CHODL: variants seen among roughly 807,000 people sequenced by gnomAD.
CHODL encodes transmembrane protein MT75.
Under a neutral mutation model 34.5 loss-of-function variants are expected in CHODL, and 29 were observed. The ratio of observed to expected loss-of-function variants is 0.84; its 90% confidence interval spans 0.63 to 1.15. CHODL has a LOEUF of 1.15. CHODL is among the 50% of genes most tolerant of loss of function. The pLI is 0.00. For missense variants in CHODL, 332 were observed against 332.5 expected (o/e 1.00, Z 0.01); for synonymous variants, 125 against 116.1 (o/e 1.08, Z -0.49).
At chr21:18,084,423 G>A (rs2064978597) in intron 2 of CHODL, among the ~76,000 whole-genome samples, 1 of 151,988 alleles carries the variant, frequency 6.6e-6, no homozygotes, top group Non-Finnish European at 1.5e-5. Flanking sequence ...GTCCCTTTTA[G>A]CACTGCTTTT....
At chr21:18,260,412 C>T in intron 4 of CHODL, 126 bp downstream of exon 4, 1 of 570,920 alleles carries the variant, frequency 1.8e-6, no homozygotes, top group South Asian at 2.3e-5. Context: ...GTCCTATGGA[C>T]ATTTACTTTT....
At chr21:18,091,918 C>T (rs979503471) in intron 2 of CHODL, among the ~76,000 whole-genome samples, 3 of 152,112 alleles carry the variant, frequency 2.0e-5, no homozygotes, top group African/African-American at 7.2e-5. Context: ...GGTTTGAGTG[C>T]CAGCTTAGCT....
At chr21:17,937,069 G>A (rs2063325023) in intron 1 of CHODL, among the ~76,000 whole-genome samples, 1 of 133,414 alleles carries the variant, frequency 7.5e-6, no homozygotes, top group Non-Finnish European at 1.6e-5. Context: ...GTGACAGGGT[G>A]AGACTCCATC....
chr21:18,247,532 A>G (rs1176860238), intron 1 of CHODL, among the ~76,000 whole-genome samples: 1 of 152,144 alleles, frequency 6.6e-6, no homozygotes, highest in Non-Finnish European at 1.5e-5. Context: ...TTACCTAAAA[A>G]TAAAGTGGAT....
At chr21:18,239,440 GT>G (rs1468194192) in intron 2 of CHODL, among the ~76,000 whole-genome samples, 3 of 151,910 alleles carry the variant, frequency 2.0e-5, no homozygotes, top group Non-Finnish European at 2.9e-5. Context: ...AATACCTTTG[GT>G]TTTTTTCCGT....
intron 1 of CHODL, among the ~76,000 whole-genome samples, chr21:18,003,949 C>T (rs528319291): frequency 1.3e-5 from 2 of 152,260 alleles, no homozygotes; most frequent in East Asian, 1.9e-4. Context: ...TAATCACTAA[C>T]CCCATCAGAC....
Position 18,267,003 on chromosome 21 carries a change from T to A in CHODL, c.*965T>A, listed in dbSNP as rs2074471509. On this transcript the variant is annotated 3_prime_UTR_variant, in exon 6 of 6. Transcript: ENST00000299295. The stretch of plus-strand genomic sequence containing the variant: ...GTTTGGGATTGACACTGGAGGCAGA[T>A]AGTTGCAAAGTTAGTCTAAGGTTTC... 1 of 152,112 alleles carries A rather than the reference T, an allele frequency of 6.6e-6. No individual in the cohort carries two copies. The highest frequency in any genetic ancestry group is 6.6e-5 in the Admixed American group (1 of 15,264). The allele number at this position is 152,112 out of a possible 1,614,324, so 9.4% of individuals were successfully genotyped here. A position where few individuals can be genotyped will look rare whatever the true frequency, so the allele number is the denominator to read the frequency against.
intron 1 of CHODL, among the ~76,000 whole-genome samples, chr21:17,964,812 T>G (rs2063558999): frequency 6.6e-6 from 1 of 152,224 alleles, no homozygotes; most frequent in African/African-American, 2.4e-5. Context: ...TGATCTATTT[T>G]GATCAAGTTA....
At chr21:17,942,452 C>A (rs1214688395) in intron 1 of CHODL, among the ~76,000 whole-genome samples, 2 of 152,174 alleles carry the variant, frequency 1.3e-5, no homozygotes. Flanking sequence ...GTGCCTTTCA[C>A]CTTCCACCAG....
At chr21:18,089,503 ATC>A (rs922267678) in intron 2 of CHODL, among the ~76,000 whole-genome samples, 27 of 152,320 alleles carry the variant, frequency 1.8e-4, no homozygotes, top group African/African-American at 6.5e-4. Context: ...TTATAACAAA[ATC>A]TGTTTGTCAC....
At chr21:18,249,234 T>C (rs368116844) in intron 1 of CHODL, among the ~76,000 whole-genome samples, 17 of 149,104 alleles carry the variant, frequency 1.1e-4, no homozygotes, top group African/African-American at 4.0e-4. Context: ...CAGGAATTCA[T>C]ATACAAGTAG....
At chr21:18,153,615 C>G (rs1423121221) in intron 2 of CHODL, among the ~76,000 whole-genome samples, 2 of 151,986 alleles carry the variant, frequency 1.3e-5, no homozygotes, top group Admixed American at 6.6e-5. Context: ...ATTTTAAGGG[C>G]ATCAAACTAA....
chr21:18,251,663 TATTTA>T (rs1455526419), intron 1 of CHODL, among the ~76,000 whole-genome samples: 2 of 121,852 alleles, frequency 1.6e-5, no homozygotes, highest in African/African-American at 7.8e-5. Flanking sequence ...ATATTTATTT[TATTTA>T]TTTATTTTAA....
chr21:18,092,536 CAG>C (rs757414880), intron 2 of CHODL, among the ~76,000 whole-genome samples: 12 of 152,134 alleles, frequency 7.9e-5, no homozygotes, highest in Admixed American at 3.3e-4. Context: ...GCCTTTCAGA[CAG>C]AGAATTCAAA....
intron 1 of CHODL, among the ~76,000 whole-genome samples, chr21:17,924,520 A>G (rs1428515418): frequency 2.6e-5 from 4 of 152,198 alleles, no homozygotes; most frequent in African/African-American, 4.8e-5. Context: ...GCAGGAGAGG[A>G]GGTGAACAAG....
At chr21:18,253,845 A>G (rs2146806508) in intron 1 of CHODL, among the ~76,000 whole-genome samples, 1 of 152,200 alleles carries the variant, frequency 6.6e-6, no homozygotes, top group South Asian at 2.1e-4. Context: ...CAGATTTTTT[A>G]GTGTGTTGCT....
chr21:17,931,176 A>G (rs2063270051), intron 1 of CHODL, among the ~76,000 whole-genome samples: 1 of 152,194 alleles, frequency 6.6e-6, no homozygotes, highest in South Asian at 2.1e-4. Flanking sequence ...TGAAGTATTC[A>G]TGGGTGAGCT....
At chr21:17,953,669 TATAGAG>T (rs1214545535) in intron 1 of CHODL, among the ~76,000 whole-genome samples, 3 of 146,554 alleles carry the variant, frequency 2.0e-5, no homozygotes, top group African/African-American at 7.3e-5. Flanking sequence ...GAAATTATAA[TATAGAG>T]ATAGAGATTA....
chr21:18,034,656 T>C (rs1319852892), intron 2 of CHODL: 3 of 152,024 alleles, frequency 2.0e-5, no homozygotes, highest in Admixed American at 1.3e-4. Context: ...AGAACAACAA[T>C]TGTCAGCGGG....
Sources: allele counts gnomAD v4.1 joint callset (sites outside exome capture counted in the v4.1 genomes callset), GRCh38; gene constraint gnomAD v4.1.1; transcripts MANE v1.5; gene names NCBI Gene and HGNC (gene_info 2026-07-23, HGNC 2026-07-21).